GABPB2: variants seen among roughly 807,000 people sequenced by gnomAD.
The protein encoded by GABPB2 is GA binding protein transcription factor subunit beta 2, also known as GA-binding protein subunit beta-2.
Under a neutral mutation model 39.1 loss-of-function variants are expected in GABPB2, and 23 were observed. The ratio of observed to expected loss-of-function variants is 0.59; its 90% CI spans 0.42 to 0.83. The LOEUF is 0.83. Among genes scored for constraint, GABPB2 ranks in the 40% least tolerant of loss-of-function variants. GABPB2 has a pLI of 0.00. For missense variants in GABPB2, 467 were observed against 541.1 expected, an observed-to-expected ratio of 0.86 and a Z score of 1.36; for synonymous variants, 184 against 199.3, an observed-to-expected ratio of 0.92 and a Z score of 0.65.
rs963320025 is a variant in GABPB2 at position 151,094,011 on chromosome 1, C to T, written c.471+625C>T. On this transcript the variant is annotated intron_variant, in intron 4 of 8. Coordinates refer to ENST00000368918, the MANE Select transcript of GABPB2 (RefSeq NM_144618.3). ...ATATTGAGTGATAAGGAAGCCACTT[C>T]AGAATTTAAAATTAACTGTGATGAT... Among the ~76,000 whole-genome samples the T allele has an allele frequency of 4.9e-5, 7 of 142,196 alleles. No homozygotes were observed. In the Admixed American group the frequency reaches 5.0e-4, roughly 10 times the overall value. 93.3% of individuals were successfully genotyped at this position (142,196 alleles called of 152,430 possible).
chr1:151,080,994 T>G (rs1041052507), intron 1 of GABPB2, among the ~76,000 whole-genome samples: 5 of 150,276 alleles, frequency 3.3e-5, no homozygotes, highest in Non-Finnish European at 5.9e-5. Context: ...TGCCTCAGCC[T>G]CCCGAGTAGC....
intron 4 of GABPB2, among the ~76,000 whole-genome samples, chr1:151,094,043 C>CT (rs59092942): frequency 5.9e-4 from 32 of 54,046 alleles, no homozygotes; most frequent in African/African-American, 1.2e-3. Flanking sequence ...TGATTTCGTC[C>CT]TTTTTTTTTT....
chr1:151,120,827 A>C lies in GABPB2; in HGVS notation c.*2571A>C, dbSNP rs900749225. ...GCTGGAGTGCAATGGTGTGATCTCA[A>C]CTCACCGCAACTTCCACCTCCCGGT... On this transcript the variant is annotated 3_prime_UTR_variant, in exon 9 of 9. Coordinates refer to ENST00000368918, the MANE Select transcript of GABPB2 (RefSeq NM_144618.3). The C allele has an allele frequency of 6.8e-6, 1 of 147,946 alleles. No homozygotes were observed. Among genetic ancestry groups the C allele is most frequent in the African/African-American group, 2.5e-5 (1 of 40,114 alleles). The allele number at this position is 147,946 out of a possible 1,614,324, so 9.2% of individuals were successfully genotyped here.
chr1:151,081,448 C>G (rs925518877), intron 1 of GABPB2, among the ~76,000 whole-genome samples: 1 of 152,018 alleles, frequency 6.6e-6, no homozygotes, highest in Non-Finnish European at 1.5e-5. Context: ...GAGATTGTGT[C>G]ACTGCCCTCC....
At chr1:151,117,552 C>T in intron 8 of GABPB2, 36 bp downstream of exon 8, 1 of 1,605,318 alleles carries the variant, frequency 6.2e-7, no homozygotes, top group Admixed American at 1.7e-5. Context: ...GAATTTAAAG[C>T]CTTAATTATT....
In GABPB2 at chr1:151,070,791, G is replaced by A. The variant is rs1002081746; in HGVS notation, c.-144G>A. On this transcript the variant is annotated 5_prime_UTR_variant, in exon 1 of 9. Coordinates refer to ENST00000368918, the MANE Select transcript of GABPB2 (RefSeq NM_144618.3). ...TTTGTTGCCTCTGTTTCTCCACGAG[G>A]GGGGGTTAAAGGCCCCCAAAACATG... 2 of 152,124 alleles carry A rather than the reference G, an allele frequency of 1.3e-5. No individual in the cohort carries two copies. Among genetic ancestry groups the A allele is most frequent in the African/African-American group, 2.4e-5 (1 of 41,394 alleles). The allele number at this position is 152,124 out of a possible 1,614,324, so 9.4% of individuals were successfully genotyped here.
chr1:151,125,129 A>T lies in GABPB2; in HGVS notation c.*6873A>T, dbSNP rs1681326524. 1 of 152,066 alleles carries T rather than the reference A, an allele frequency of 6.6e-6. No homozygotes were observed. The highest frequency in any genetic ancestry group is 2.1e-4 in the South Asian group (1 of 4,832). 9.4% of individuals were successfully genotyped at this position (152,066 alleles called of 1,614,324 possible). On this transcript the variant is annotated 3_prime_UTR_variant, in exon 9 of 9. Coordinates refer to ENST00000368918, the MANE Select transcript of GABPB2 (RefSeq NM_144618.3). Reference sequence around the variant, plus strand: ...TTTATTCTGAGGTGGTTTGTTTCTGAAAGTTAATCTAGGTCACCTTCTATA... The same window carrying T: ...TTTATTCTGAGGTGGTTTGTTTCTGTAAGTTAATCTAGGTCACCTTCTATA...
chr1:151,104,759 C>CTCTTTCTTTCTTTCTCTCTT (rs1343175439), intron 6 of GABPB2, among the ~76,000 whole-genome samples: 1 of 118,042 alleles, frequency 8.5e-6, no homozygotes, highest in East Asian at 3.9e-4. Flanking sequence ...CTATCTGTGA[C>CTCTTTCTTTCTTTCTCTCTT]TCTTTCTTTC....
chr1:151,113,964 A>AGAT (rs112317058), intron 7 of GABPB2, among the ~76,000 whole-genome samples: 3,697 of 152,238 alleles, frequency 0.024, 97 homozygotes, highest in African/African-American at 0.073. Flanking sequence ...CTTATTGCTG[A>AGAT]GATTATTCCA....
chr1:151,083,974 C>T (rs1004601385), intron 1 of GABPB2, among the ~76,000 whole-genome samples: 6 of 150,762 alleles, frequency 4.0e-5, no homozygotes, highest in African/African-American at 1.5e-4. Flanking sequence ...CTCCTGACCT[C>T]GTGATCCAGC....
At chr1:151,105,886 A>T (rs897965564) in intron 6 of GABPB2, among the ~76,000 whole-genome samples, 2 of 152,072 alleles carry the variant, frequency 1.3e-5, no homozygotes, top group Non-Finnish European at 1.5e-5. Flanking sequence ...ACTACTTCAC[A>T]TATTATTCTG....
rs975048215 is a variant in GABPB2, at chr1:151,121,350, T to G, written c.*3094T>G. On this transcript the variant is annotated 3_prime_UTR_variant, in exon 9 of 9. Transcript: ENST00000368918. ...ATAAAGAACCAAAGATTCTGGCTAC[T>G]TTGTCTTCTTCCTTTCTCTCCCACT... The G allele has an allele frequency of 2.6e-5, 4 of 152,234 alleles. No individual in the cohort carries two copies. The highest frequency in any genetic ancestry group is 6.5e-5 in the Admixed American group (1 of 15,276). The allele number at this position is 152,234 out of a possible 1,614,324, so 9.4% of individuals were successfully genotyped here.
rs1336875382 is a variant in GABPB2, at chr1:151,076,953, C to A, written c.-1+6019C>A. ...GGACTACAGGTGCCTGCCACCACAC[C>A]CGGCTAATTTTTTGTATTTTTAGTA... On this transcript the variant is annotated intron_variant, in intron 1 of 8. Coordinates refer to ENST00000368918, the MANE Select transcript of GABPB2 (RefSeq NM_144618.3). 2.6e-5 allele frequency among the ~76,000 whole-genome samples: 4 copies of A among 151,770 alleles called. No individual in the cohort carries two copies. The East Asian group carries it at 7.7e-4, about 29-fold the overall frequency.
chr1:151,091,410 T>TG (rs1678687652), intron 3 of GABPB2, among the ~76,000 whole-genome samples: 1 of 120,304 alleles, frequency 8.3e-6, no homozygotes, highest in Non-Finnish European at 1.7e-5. Context: ...ATTAAAACAA[T>TG]TTTTTTTTTT....
At chr1:151,097,609 C>G (rs1257413828) in intron 4 of GABPB2, among the ~76,000 whole-genome samples, 2 of 151,828 alleles carry the variant, frequency 1.3e-5, no homozygotes, top group Non-Finnish European at 2.9e-5. Flanking sequence ...TGGCAAAACC[C>G]TCTACTAAAA....
chr1:151,081,640 A>AT lies in GABPB2; in HGVS notation c.1-6537dup, dbSNP rs1253508335. Among the ~76,000 whole-genome samples, 582 of 148,068 alleles carry AT rather than the reference A, an allele frequency of 3.9e-3. 4 individuals carry two copies. Among genetic ancestry groups the AT allele is most frequent in the African/African-American group, 0.013 (521 of 40,264 alleles). ...GACAGCTGCATTCTCATTATTATTTATTTTTTTTTTTTTAGATGGTGTCTC... is the reference window on the plus strand; with the variant it reads ...GACAGCTGCATTCTCATTATTATTTATTTTTTTTTTTTTTAGATGGTGTCTC... On this transcript the variant is annotated intron_variant, in intron 1 of 8. Transcript: ENST00000368918.
At chr1:151,077,525 T>G (rs766234907) in intron 1 of GABPB2, among the ~76,000 whole-genome samples, 50 of 151,808 alleles carry the variant, frequency 3.3e-4, no homozygotes, top group Non-Finnish European at 4.9e-4. Flanking sequence ...CCCAGCTAAT[T>G]TTTGTATTTT....
chr1:151,124,618 A>C lies in GABPB2; in HGVS notation c.*6362A>C, dbSNP rs980165637. ...ATCAGTTTTTGTCCTAATTTATTAGAGAAGGCTTCCTCTTCTCTACTCCTT... is the reference window on the plus strand; with the variant it reads ...ATCAGTTTTTGTCCTAATTTATTAGCGAAGGCTTCCTCTTCTCTACTCCTT... On this transcript the variant is annotated 3_prime_UTR_variant, in exon 9 of 9. Coordinates refer to ENST00000368918, the MANE Select transcript of GABPB2 (RefSeq NM_144618.3). 6.6e-6 allele frequency: 1 copy of C among 152,078 alleles called. No individual in the cohort carries two copies. Among genetic ancestry groups the C allele is most frequent in the African/African-American group, 2.4e-5 (1 of 41,406 alleles). The allele number at this position is 152,078 out of a possible 1,614,324, so 9.4% of individuals were successfully genotyped here.
chr1:151,114,229 G>T (rs1042297022), intron 7 of GABPB2, among the ~76,000 whole-genome samples: 1 of 151,880 alleles, frequency 6.6e-6, no homozygotes, highest in Admixed American at 6.6e-5. Flanking sequence ...GCTTTTGTGT[G>T]CCTGTAGTCC....
Sources: gnomAD v4.1 joint callset for allele counts (sites outside exome capture counted in the v4.1 genomes callset) on GRCh38, gnomAD v4.1.1 for gene constraint, MANE v1.5 for transcripts, NCBI Gene and HGNC (gene_info 2026-07-23, HGNC 2026-07-21) for gene names.